The following STK32A variants were observed in gnomAD, a reference collection of about 807,000 sequenced individuals.
STK32A encodes the protein serine/threonine kinase 32A, also known as serine/threonine-protein kinase 32A.
STK32A carries 41 observed loss-of-function variants against 53.2 expected under a neutral mutation model. The observed-to-expected ratio is 0.77, with a 90% CI of 0.60 to 1.00. STK32A has a LOEUF of 1.00. STK32A is among the 50% of genes least tolerant of loss of function. The pLI is 0.00. For synonymous variants in STK32A, 166 were observed against 162.8 expected, an observed-to-expected ratio of 1.02 and a Z score of -0.15; for missense variants, 458 against 485.8, an observed-to-expected ratio of 0.94 and a Z score of 0.54.
intron 4 of STK32A, among the ~76,000 whole-genome samples, chr5:147,293,211 G>T (rs1006841436): frequency 5.9e-5 from 9 of 152,070 alleles, no homozygotes; most frequent in Non-Finnish European, 7.4e-5. Flanking sequence ...AGGAAATTTG[G>T]TTATGCCTGT....
At chr5:147,334,277 C>A (rs1755009727) in intron 5 of STK32A, among the ~76,000 whole-genome samples, 1 of 152,170 alleles carries the variant, frequency 6.6e-6, no homozygotes, top group South Asian at 2.1e-4. Flanking sequence ...TTAGAAAGTT[C>A]TTCTCTTGAT....
In STK32A at chr5:147,243,502, G is replaced by T. The variant is rs1217472520; in HGVS notation, c.52+3816G>T. Among the ~76,000 whole-genome samples the T allele has an allele frequency of 7.2e-5, 4 of 55,376 alleles. 1 individual carries two copies. Among genetic ancestry groups the T allele is most frequent in the African/African-American group, 2.6e-4 (4 of 15,316 alleles). The allele number at this position is 55,376 out of a possible 152,430, so 36.3% of individuals were successfully genotyped here. On this transcript the variant is annotated intron_variant, in intron 2 of 12. Coordinates refer to ENST00000397936, the MANE Select transcript of STK32A (RefSeq NM_001112724.2). ...GCCTGTAATCCCAGCACTTCAGGAG[G>T]CCGAGGCGGGCAGATCACGAGGTCA... is the stretch of plus-strand genomic sequence containing the variant.
chr5:147,269,995 T>C (rs4621598), intron 2 of STK32A, among the ~76,000 whole-genome samples: 89,620 of 151,958 alleles, frequency 0.59, 26,783 homozygotes, highest in African/African-American at 0.67. Flanking sequence ...TGAATATCAA[T>C]TATGTAATTT....
chr5:147,328,079 C>T (rs1016159169), intron 5 of STK32A, among the ~76,000 whole-genome samples: 2 of 152,168 alleles, frequency 1.3e-5, no homozygotes, highest in Non-Finnish European at 2.9e-5. Flanking sequence ...ACAAGTACTT[C>T]AGAGAAGTTG....
intron 2 of STK32A, among the ~76,000 whole-genome samples, chr5:147,253,846 C>T (rs1003074491): frequency 1.3e-5 from 2 of 152,054 alleles, no homozygotes; most frequent in Non-Finnish European, 2.9e-5. Flanking sequence ...AGAAGGCAAA[C>T]GTATATCATT....
chr5:147,240,909 T>C (rs1290059206), intron 2 of STK32A, among the ~76,000 whole-genome samples: 2 of 152,068 alleles, frequency 1.3e-5, no homozygotes, highest in African/African-American at 2.4e-5. Flanking sequence ...TTCCAGCCAG[T>C]GAGAAAGGTG....
At chr5:147,247,328 T>C (rs1346481727) in intron 2 of STK32A, among the ~76,000 whole-genome samples, 1 of 152,184 alleles carries the variant, frequency 6.6e-6, no homozygotes, top group South Asian at 2.1e-4. Context: ...GAAGTTTCGT[T>C]TGGAAACACA....
the STK32A span, chr5:147,401,738 T>A: frequency 6.2e-7 from 1 of 1,610,462 alleles, no homozygotes; most frequent in Non-Finnish European, 8.5e-7. Flanking sequence ...GCATAAAGTA[T>A]ATGCTGCACT....
chr5:147,241,757 C>A (rs890048097), intron 2 of STK32A, among the ~76,000 whole-genome samples: 4 of 152,112 alleles, frequency 2.6e-5, no homozygotes, highest in Admixed American at 6.5e-5. Context: ...AATGGAAAGA[C>A]AAATAGGCTT....
At chr5:147,258,915 CTTTT>C (rs774554908) in intron 2 of STK32A, among the ~76,000 whole-genome samples, 1 of 150,750 alleles carries the variant, frequency 6.6e-6, no homozygotes, top group African/African-American at 2.5e-5. Flanking sequence ...GTATAGATGG[CTTTT>C]TTTTATTATT....
chr5:147,383,866 C>CTT lies in STK32A; in HGVS notation c.1098-16_1098-15dup. On this transcript the variant is annotated intron_variant, in intron 12 of 12. Transcript: ENST00000397936. ...TTTTATTTTTCAAAGAATAAAACAT[C>CTT]TTTTTTTTTCTTTTCTTTTTAAGAG... 5.6e-6 allele frequency: 8 copies of CTT among 1,416,616 alleles called. No homozygotes were observed. The African/African-American group carries it at 6.1e-5, about 11-fold the overall frequency. The allele number at this position is 1,416,616 out of a possible 1,614,324, so 87.8% of individuals were successfully genotyped here.
intron 4 of STK32A, among the ~76,000 whole-genome samples, chr5:147,314,153 T>G (rs1336139311): frequency 6.6e-6 from 1 of 151,924 alleles, no homozygotes; most frequent in African/African-American, 2.4e-5. Context: ...CCCCAGAGAA[T>G]GGGGAGAAAA....
chr5:147,354,353 G>T (rs947279584), intron 7 of STK32A, among the ~76,000 whole-genome samples: 1 of 152,196 alleles, frequency 6.6e-6, no homozygotes, highest in Non-Finnish European at 1.5e-5. Context: ...GTGCATCTGG[G>T]TTTCCAGGGT....
At chr5:147,275,677 T>C in intron 2 of STK32A, among the ~76,000 whole-genome samples, 1 of 152,188 alleles carries the variant, frequency 6.6e-6, no homozygotes, top group African/African-American at 2.4e-5. Context: ...TGTACTGTTA[T>C]ACAAGGAAGT....
At chr5:147,288,158 A>G (rs1561695492) in intron 4 of STK32A, among the ~76,000 whole-genome samples, 1 of 152,162 alleles carries the variant, frequency 6.6e-6, no homozygotes, top group Non-Finnish European at 1.5e-5. Context: ...CATCATTAAC[A>G]ATGATAGAAG....
At chr5:147,306,784 C>A (rs1753429630) in intron 4 of STK32A, among the ~76,000 whole-genome samples, 1 of 151,834 alleles carries the variant, frequency 6.6e-6, no homozygotes, top group Non-Finnish European at 1.5e-5. Context: ...AGGGATAAAT[C>A]ACATAATTTT....
At chr5:147,317,416 C>T (rs1373840529) in intron 4 of STK32A, among the ~76,000 whole-genome samples, 3 of 145,762 alleles carry the variant, frequency 2.1e-5, no homozygotes, top group Non-Finnish European at 3.0e-5. Flanking sequence ...CAACCTCCGC[C>T]GCCCAGGTTC....
At position 147,239,700 on chromosome 5, in the gene STK32A, G is replaced by A. The variant is rs376490636; in HGVS notation, c.52+14G>A. The stretch of plus-strand genomic sequence containing the variant: ...AAAATGAAGATGGTAAGAAATATGG[G>A]ATAGTGGCATATAAAAAATAGAATT... On this transcript the variant is annotated intron_variant, in intron 2 of 12. Coordinates refer to ENST00000397936, the MANE Select transcript of STK32A (RefSeq NM_001112724.2). 9.4e-6 allele frequency: 15 copies of A among 1,592,292 alleles called. No individual in the cohort carries two copies. Among genetic ancestry groups the A allele is most frequent in the Middle Eastern group, 3.3e-4 (2 of 6,034 alleles).
intron 11 of STK32A, among the ~76,000 whole-genome samples, chr5:147,379,677 C>T (rs193165068): frequency 9.0e-4 from 137 of 152,228 alleles, no homozygotes; most frequent in African/African-American, 3.2e-3. Context: ...AACAGACTGC[C>T]ATGCCACCCA....
Sources: allele counts gnomAD v4.1 joint callset (sites outside exome capture counted in the v4.1 genomes callset), GRCh38; gene constraint gnomAD v4.1.1; transcripts MANE v1.5; gene names NCBI Gene and HGNC (gene_info 2026-07-23, HGNC 2026-07-21).